KLF12: variants seen among roughly 807,000 people sequenced by gnomAD.
The protein encoded by KLF12 is Krueppel-like factor 12.
In KLF12, 9 loss-of-function variants were observed where a neutral mutation model predicts 37.8. The observed-to-expected ratio is 0.24, with a 90% CI of 0.14 to 0.42. The LOEUF is 0.42. Ranked by LOEUF, KLF12 falls within the 10% of genes least tolerant of loss-of-function variation. KLF12 has a pLI of 1.00. For missense variants in KLF12, 411 were observed against 516.0 expected, an observed-to-expected ratio of 0.80 and a Z score of 1.97; for synonymous variants, 208 against 202.1, an observed-to-expected ratio of 1.03 and a Z score of -0.25.
intron 6 of KLF12, among the ~76,000 whole-genome samples, chr13:73,740,921 G>T (rs917298626): frequency 6.6e-6 from 1 of 152,056 alleles, no homozygotes; most frequent in Non-Finnish European, 1.5e-5. Context: ...TGCAAAGCCC[G>T]CCCAGTGCTA....
chr13:73,899,423 A>G (rs544743325), intron 3 of KLF12, among the ~76,000 whole-genome samples: 1 of 152,350 alleles, frequency 6.6e-6, no homozygotes, highest in South Asian at 2.1e-4. Context: ...TGAGAAACAG[A>G]AAGCTGAATC....
chr13:73,923,772 G>A (rs1889235428), intron 3 of KLF12, among the ~76,000 whole-genome samples: 1 of 152,134 alleles, frequency 6.6e-6, no homozygotes, highest in African/African-American at 2.4e-5. Context: ...CACAGATCCT[G>A]ATTTGGTAGG....
At chr13:74,100,116 G>A (rs562099672) in intron 1 of KLF12, among the ~76,000 whole-genome samples, 117 of 152,164 alleles carry the variant, frequency 7.7e-4, no homozygotes, top group South Asian at 2.7e-3. Flanking sequence ...GGGGTTGTGG[G>A]GGTGAAGGAA....
At chr13:74,052,552 C>G (rs1005145483) in intron 1 of KLF12, among the ~76,000 whole-genome samples, 7 of 152,088 alleles carry the variant, frequency 4.6e-5, no homozygotes, top group Non-Finnish European at 7.4e-5. Context: ...ATTATTTACC[C>G]AGCCCAGCGC....
At chr13:74,105,459 G>A (rs1039472218) in intron 1 of KLF12, among the ~76,000 whole-genome samples, 3 of 151,964 alleles carry the variant, frequency 2.0e-5, no homozygotes, top group Non-Finnish European at 4.4e-5. Flanking sequence ...ATAATTAAAA[G>A]CATCATACAC....
At chr13:73,757,904 G>T (rs542858823) in intron 6 of KLF12, among the ~76,000 whole-genome samples, 1 of 152,156 alleles carries the variant, frequency 6.6e-6, no homozygotes, top group African/African-American at 2.4e-5. Context: ...TTCATTTTAA[G>T]TTGATATGTT....
chr13:73,716,845 T>G (rs570744000), intron 6 of KLF12, among the ~76,000 whole-genome samples: 26 of 152,340 alleles, frequency 1.7e-4, no homozygotes, highest in African/African-American at 5.5e-4. Flanking sequence ...AACTTACCAA[T>G]TTTAAGATCT....
chr13:74,226,523 G>C, the KLF12 span, among the ~76,000 whole-genome samples: 2 of 152,144 alleles, frequency 1.3e-5, no homozygotes, highest in African/African-American at 2.4e-5. Context: ...CTGCTGGGCA[G>C]AAAGACAAGG....
intron 5 of KLF12, among the ~76,000 whole-genome samples, chr13:73,781,039 G>A (rs1452494820): frequency 6.6e-6 from 1 of 152,166 alleles, no homozygotes; most frequent in African/African-American, 2.4e-5. Flanking sequence ...TCGAGAAATT[G>A]CCACGGCCAC....
chr13:74,271,778 T>A, the KLF12 span, among the ~76,000 whole-genome samples: 1 of 152,172 alleles, frequency 6.6e-6, no homozygotes, highest in South Asian at 2.1e-4. Context: ...GTATACACAA[T>A]GTCATCAGAG....
At chr13:73,852,655 T>G (rs1264130751) in intron 3 of KLF12, among the ~76,000 whole-genome samples, 1 of 151,628 alleles carries the variant, frequency 6.6e-6, no homozygotes, top group Non-Finnish European at 1.5e-5. Flanking sequence ...CGCGTGCCTG[T>G]AATCTCAGCT....
At chr13:73,886,545 C>CTGA (rs1202502789) in intron 3 of KLF12, among the ~76,000 whole-genome samples, 1 of 152,074 alleles carries the variant, frequency 6.6e-6, no homozygotes, top group Non-Finnish European at 1.5e-5. Context: ...AGGTGATGGG[C>CTGA]TGATCTGTGC....
At chr13:74,071,490 T>C (rs1874234988) in intron 1 of KLF12, among the ~76,000 whole-genome samples, 1 of 151,058 alleles carries the variant, frequency 6.6e-6, no homozygotes, top group Middle Eastern at 3.4e-3. Flanking sequence ...ATCGAGACCA[T>C]CCTGGCTAAC....
chr13:74,176,076 C>T, the KLF12 span, among the ~76,000 whole-genome samples: 1 of 152,156 alleles, frequency 6.6e-6, no homozygotes, highest in Non-Finnish European at 1.5e-5. Flanking sequence ...GGACTCATTA[C>T]AACTTCTTGA....
intron 1 of KLF12, among the ~76,000 whole-genome samples, chr13:74,127,052 G>A (rs548191666): frequency 6.6e-6 from 1 of 152,280 alleles, no homozygotes; most frequent in South Asian, 2.1e-4. Context: ...CAAGGCTGGA[G>A]TGCATTGGCT....
At chr13:74,030,272 A>C (rs1175848553) in intron 1 of KLF12, among the ~76,000 whole-genome samples, 1 of 152,118 alleles carries the variant, frequency 6.6e-6, no homozygotes, top group Admixed American at 6.6e-5. Context: ...TTGACAATAG[A>C]GAGACTACCT....
intron 6 of KLF12, among the ~76,000 whole-genome samples, chr13:73,759,048 G>A (rs1013075113): frequency 6.6e-6 from 1 of 152,052 alleles, no homozygotes; most frequent in Non-Finnish European, 1.5e-5. Context: ...GAATTTGGAG[G>A]GATTTAAAAT....
chr13:73,747,925 A>G (rs983626773), intron 6 of KLF12, among the ~76,000 whole-genome samples: 1 of 152,250 alleles, frequency 6.6e-6, no homozygotes, highest in African/African-American at 2.4e-5. Flanking sequence ...AATAAATAAA[A>G]TGGTATCTAT....
At chr13:73,717,160 T>C (rs1033184508) in intron 6 of KLF12, among the ~76,000 whole-genome samples, 3 of 152,202 alleles carry the variant, frequency 2.0e-5, no homozygotes, top group African/African-American at 4.8e-5. Context: ...TATGTTCCAA[T>C]GAAACTTTGT....
Sources: gnomAD v4.1 joint callset for allele counts (sites outside exome capture counted in the v4.1 genomes callset) on GRCh38, gnomAD v4.1.1 for gene constraint, MANE v1.5 for transcripts, NCBI Gene and HGNC (gene_info 2026-07-23, HGNC 2026-07-21) for gene names.